Variants in PLXDC2 observed in about 807,000 individuals in gnomAD.
PLXDC2 encodes the protein plexin domain-containing protein 2.
Under a neutral mutation model 68.9 loss-of-function variants are expected in PLXDC2, and 40 were observed. That is an observed-to-expected ratio of 0.58 (90% CI 0.45 to 0.76). PLXDC2 has a LOEUF of 0.76. Among genes scored for constraint, PLXDC2 ranks in the 30% least tolerant of loss-of-function variants. The pLI is 0.00. For missense variants in PLXDC2, 644 were observed against 661.9 expected (o/e 0.97, Z 0.30); for synonymous variants, 243 against 234.2 (o/e 1.04, Z -0.34).
At chr10:20,252,302 T>C (rs561621522) in intron 13 of PLXDC2, among the ~76,000 whole-genome samples, 1 of 152,320 alleles carries the variant, frequency 6.6e-6, no homozygotes, top group Non-Finnish European at 1.5e-5. Context: ...TTTTGAAATC[T>C]GAGTACAAAA....
chr10:20,109,730 C>T (rs1295503705), intron 4 of PLXDC2, among the ~76,000 whole-genome samples: 1 of 152,166 alleles, frequency 6.6e-6, no homozygotes, highest in African/African-American at 2.4e-5. Context: ...AAACGATCCC[C>T]ATTGCAATGA....
chr10:19,950,545 G>A (rs1368540492), intron 1 of PLXDC2, among the ~76,000 whole-genome samples: 2 of 152,140 alleles, frequency 1.3e-5, no homozygotes, highest in Non-Finnish European at 2.9e-5. Context: ...CATGCTCATA[G>A]ATTTGAATAA....
At chr10:19,862,449 A>G (rs1456458423) in intron 1 of PLXDC2, among the ~76,000 whole-genome samples, 1 of 152,236 alleles carries the variant, frequency 6.6e-6, no homozygotes, top group Non-Finnish European at 1.5e-5. Context: ...GTGGAATTTC[A>G]GTAGTTATCT....
chr10:19,829,853 A>G (rs1238093899), intron 1 of PLXDC2, among the ~76,000 whole-genome samples: 4 of 152,234 alleles, frequency 2.6e-5, no homozygotes, highest in African/African-American at 9.6e-5. Context: ...AGGATGATTT[A>G]CAAATTGTCC....
intron 1 of PLXDC2, among the ~76,000 whole-genome samples, chr10:19,865,336 C>T (rs1368147550): frequency 6.6e-6 from 1 of 152,138 alleles, no homozygotes; most frequent in East Asian, 1.9e-4. Flanking sequence ...GTTCAGAACA[C>T]TGATGGAAAA....
At chr10:20,118,791 T>A (rs1310014230) in intron 4 of PLXDC2, among the ~76,000 whole-genome samples, 1 of 152,214 alleles carries the variant, frequency 6.6e-6, no homozygotes, top group Admixed American at 6.5e-5. Context: ...ATTATTTATC[T>A]CATATAATTC....
At chr10:20,140,317 A>T (rs1268365506) in intron 4 of PLXDC2, among the ~76,000 whole-genome samples, 1 of 151,782 alleles carries the variant, frequency 6.6e-6, no homozygotes, top group East Asian at 1.9e-4. Flanking sequence ...AAAAATATAA[A>T]TAAATAAATG....
At chr10:20,106,989 T>C (rs918187796) in intron 4 of PLXDC2, among the ~76,000 whole-genome samples, 2 of 149,922 alleles carry the variant, frequency 1.3e-5, no homozygotes, top group Non-Finnish European at 3.0e-5. Context: ...ATCCTTTATA[T>C]TTTATGTAGG....
At chr10:20,089,417 A>G (rs74119616) in intron 4 of PLXDC2, among the ~76,000 whole-genome samples, 11,949 of 152,180 alleles carry the variant, frequency 0.079, 1,042 homozygotes, top group African/African-American at 0.22. Flanking sequence ...AACTGCACAC[A>G]TGTGTTTCGA....
intron 1 of PLXDC2, among the ~76,000 whole-genome samples, chr10:19,987,136 G>A (rs1834654824): frequency 6.6e-6 from 1 of 152,160 alleles, no homozygotes; most frequent in Non-Finnish European, 1.5e-5. Context: ...AAAGACAAGT[G>A]AGGTTAATCC....
At chr10:20,007,679 T>G (rs891171713) in intron 2 of PLXDC2, among the ~76,000 whole-genome samples, 1 of 152,226 alleles carries the variant, frequency 6.6e-6, no homozygotes, top group Non-Finnish European at 1.5e-5. Flanking sequence ...CCTGGGAATC[T>G]GGTTAAAATG....
intron 3 of PLXDC2, among the ~76,000 whole-genome samples, chr10:20,065,500 G>A (rs1836190972): frequency 6.6e-6 from 1 of 152,172 alleles, no homozygotes; most frequent in African/African-American, 2.4e-5. Context: ...CAGAGGGTAG[G>A]AGGGGATGGT....
chr10:19,918,487 T>C (rs1485636755), intron 1 of PLXDC2, among the ~76,000 whole-genome samples: 1 of 152,204 alleles, frequency 6.6e-6, no homozygotes. Context: ...TGGAGGATCA[T>C]GAGCTGACCG....
At chr10:19,825,624 A>C (rs968429008) in intron 1 of PLXDC2, among the ~76,000 whole-genome samples, 1 of 152,218 alleles carries the variant, frequency 6.6e-6, no homozygotes, top group Non-Finnish European at 1.5e-5. Flanking sequence ...TTATATGAAC[A>C]TCCAATAAAA....
chr10:19,946,791 C>T (rs1833909429), intron 1 of PLXDC2, among the ~76,000 whole-genome samples: 1 of 152,014 alleles, frequency 6.6e-6, no homozygotes. Context: ...AGCCTAGATC[C>T]CTCCATGTGC....
intron 1 of PLXDC2, among the ~76,000 whole-genome samples, chr10:19,915,883 G>GA (rs1554844796): frequency 1.4e-5 from 2 of 144,292 alleles, no homozygotes; most frequent in East Asian, 2.1e-4. Context: ...AGAAGAAGAA[G>GA]AAAAAAAACA....
chr10:19,964,792 A>C (rs911760580), intron 1 of PLXDC2, among the ~76,000 whole-genome samples: 4 of 152,108 alleles, frequency 2.6e-5, no homozygotes, highest in Admixed American at 6.5e-5. Context: ...CTGGTTAATA[A>C]CAGGCTCTTT....
intron 13 of PLXDC2, among the ~76,000 whole-genome samples, chr10:20,254,785 A>T (rs1445791475): frequency 6.6e-6 from 1 of 151,632 alleles, no homozygotes; most frequent in African/African-American, 2.4e-5. Context: ...AAAAAGAGAC[A>T]CTCTATGTAT....
intron 9 of PLXDC2, among the ~76,000 whole-genome samples, chr10:20,183,817 A>G (rs928185261): frequency 1.3e-5 from 2 of 151,944 alleles, no homozygotes; most frequent in Non-Finnish European, 2.9e-5. Flanking sequence ...ATGTTAACCA[A>G]ATTGCTATAG....
Sources: allele counts gnomAD v4.1 joint callset (sites outside exome capture counted in the v4.1 genomes callset), GRCh38; gene constraint gnomAD v4.1.1; transcripts MANE v1.5; gene names NCBI Gene and HGNC (gene_info 2026-07-23, HGNC 2026-07-21).